Variants in DIP2C observed in about 807,000 individuals in gnomAD.
The protein encoded by DIP2C is disco-interacting protein 2 homolog C.
In DIP2C, 33 loss-of-function variants were observed where a neutral mutation model predicts 192.4. The ratio of observed to expected loss-of-function variants is 0.17; its 90% CI spans 0.13 to 0.23. The LOEUF is 0.23. Ranked by LOEUF, DIP2C falls within the 10% of genes least tolerant of loss-of-function variation. DIP2C has a pLI of 1.00. For synonymous variants in DIP2C, 979 were observed against 864.1 expected, an observed-to-expected ratio of 1.13 and a Z score of -2.33; for missense variants, 1,537 against 2,110.1, an observed-to-expected ratio of 0.73 and a Z score of 5.32.
intron 9 of DIP2C, among the ~76,000 whole-genome samples, chr10:401,013 G>A (rs1449524138): frequency 4.1e-4 from 49 of 119,052 alleles, no homozygotes; most frequent in South Asian, 6.8e-4. Context: ...CATGAATCCT[G>A]TGATTTTACA....
intron 26 of DIP2C, among the ~76,000 whole-genome samples, chr10:347,371 C>A (rs1252048175): frequency 7.3e-6 from 1 of 136,116 alleles, no homozygotes; most frequent in Non-Finnish European, 1.5e-5. Context: ...AGACACATCG[C>A]GCATAGTTCT....
intron 1 of DIP2C, chr10:650,727 AC>A (rs1053332208): frequency 2.5e-5 from 16 of 634,076 alleles, no homozygotes; most frequent in Admixed American, 2.3e-4. Flanking sequence ...CTCTGGGCCG[AC>A]CCCCCCTCAT....
chr10:569,964 C>A (rs758279966), intron 1 of DIP2C, among the ~76,000 whole-genome samples: 3 of 152,214 alleles, frequency 2.0e-5, no homozygotes, highest in Non-Finnish European at 2.9e-5. Context: ...TCCTCTCAGC[C>A]TTCCCCCATG....
intron 28 of DIP2C, 99 bp from the exon 29 acceptor site, chr10:341,428 A>C (rs781538976): frequency 6.5e-7 from 1 of 1,534,364 alleles, no homozygotes; most frequent in African/African-American, 1.4e-5. Context: ...TGTTGAACGC[A>C]TCGGACCTGA....
In DIP2C at chr10:350,196, G is replaced by T. The variant is rs531921399; in HGVS notation, c.2986-742C>A. The stretch of plus-strand genomic sequence containing the variant: ...CCTGCTGGGCTCAAGCAATTCTGCT[G>T]CCTCAGCCCCAAGTAGCTGGGACTA... On this transcript the variant is annotated intron_variant, in intron 24 of 36. Coordinates refer to ENST00000280886, the MANE Select transcript of DIP2C (RefSeq NM_014974.3). 7.2e-5 allele frequency among the ~76,000 whole-genome samples: 11 copies of T among 152,158 alleles called. No homozygotes were observed. The South Asian group carries it at 2.3e-3, about 32-fold the overall frequency.
intron 1 of DIP2C, among the ~76,000 whole-genome samples, chr10:621,858 G>A (rs1470365580): frequency 6.6e-6 from 1 of 152,180 alleles, no homozygotes; most frequent in Non-Finnish European, 1.5e-5. Flanking sequence ...CGGAGAGGAT[G>A]TCATTCGCTG....
intron 5 of DIP2C, among the ~76,000 whole-genome samples, chr10:421,446 G>A (rs1439186779): frequency 1.3e-5 from 2 of 152,106 alleles, no homozygotes; most frequent in South Asian, 2.1e-4. Flanking sequence ...TGGCCTCCCC[G>A]TTCAGGTGCC....
Position 419,106 on chromosome 10 carries a change from G to A in DIP2C, c.698C>T (p.Ala233Val), listed in dbSNP as rs77328768. Residue 233 changes from alanine to valine, a missense_variant, in exon 6 of 37, where the codon GCG (alanine) becomes GTG (valine). Transcript: ENST00000280886. ...GAGCTCGGCGTTGCCGTACTTGGGC[G>A]CTGTCCGGGACCCCGTGGAACCCTG... is the stretch of plus-strand genomic sequence containing the variant. Reference protein sequence around the residue: ...RPQGSTGSRTAPKYGNAELME... With the variant: ...RPQGSTGSRTVPKYGNAELME... 230 of 1,614,266 alleles carry A rather than the reference G, an allele frequency of 1.4e-4. 1 individual carries two copies. The African/African-American group carries it at 2.1e-3, about 15-fold the overall frequency.
chr10:497,336 ACTCTGCAC>A (rs1372433597), intron 1 of DIP2C, among the ~76,000 whole-genome samples: 4 of 152,060 alleles, frequency 2.6e-5, no homozygotes, highest in South Asian at 2.1e-4. Context: ...TGGAAGGCCA[ACTCTGCAC>A]CTTGGAAATT....
chr10:529,051 G>A (rs1403830272), intron 1 of DIP2C, among the ~76,000 whole-genome samples: 1 of 152,198 alleles, frequency 6.6e-6, no homozygotes, highest in Admixed American at 6.5e-5. Flanking sequence ...GGCGCTGCCG[G>A]CATCTCCCTA....
intron 36 of DIP2C, among the ~76,000 whole-genome samples, chr10:277,957 C>T (rs563518110): frequency 6.6e-6 from 1 of 152,370 alleles, no homozygotes; most frequent in Non-Finnish European, 1.5e-5. Flanking sequence ...CAGCCTCGTA[C>T]CCTCAAGGCA....
chr10:464,446 T>TA (rs1454749750), intron 3 of DIP2C, among the ~76,000 whole-genome samples: 1 of 150,990 alleles, frequency 6.6e-6, no homozygotes, highest in African/African-American at 2.4e-5. Flanking sequence ...CACAATGAGA[T>TA]ACCATTCCAC....
chr10:617,652 ACCACCCCC>A (rs1395929441), intron 1 of DIP2C, among the ~76,000 whole-genome samples: 18 of 127,652 alleles, frequency 1.4e-4, no homozygotes, highest in Non-Finnish European at 2.6e-4. Context: ...TCCTGTGGAT[ACCACCCCC>A]CCACCCCCAC....
intron 32 of DIP2C, among the ~76,000 whole-genome samples, chr10:304,368 T>C (rs1956205895): frequency 1.3e-5 from 2 of 152,142 alleles, no homozygotes; most frequent in South Asian, 4.1e-4. Flanking sequence ...CTGTGGTCTG[T>C]CATTGACAGA....
rs769716274 is a variant in DIP2C, at chr10:419,070, C to T, written c.734G>A (p.Gly245Glu). ...ATCTCTCCTTTGGGACGTACCATCC[C>T]CGGTCTCCATGAGCTCGGCGTTGCC... ...KYGNAELMET[G>E]DGVPVSSRVS... The change falls in exon 6 of 37, where the codon GGG becomes GAG. Residue 245 changes from glycine to glutamate, a missense_variant. This residue lies in a region of DIP2C where 473 missense variants were observed against 539.6 expected (regional missense o/e 0.88). Coordinates refer to ENST00000280886, the MANE Select transcript of DIP2C (RefSeq NM_014974.3). 2 of 1,614,266 alleles carry T rather than the reference C, an allele frequency of 1.2e-6. No homozygotes were observed. The highest frequency in any genetic ancestry group is 1.1e-5 in the South Asian group (1 of 91,090).
At chr10:612,171 T>C (rs1853140252) in intron 1 of DIP2C, among the ~76,000 whole-genome samples, 1 of 151,840 alleles carries the variant, frequency 6.6e-6, no homozygotes, top group Non-Finnish European at 1.5e-5. Flanking sequence ...CGGGCACTTA[T>C]AATCCCAGCT....
rs12252160 is a variant in DIP2C, at chr10:340,620, T to C, written c.3584+579A>G. 3.0e-3 allele frequency: 1,167 copies of C among 384,392 alleles called. 15 individuals carry two copies. Among genetic ancestry groups the C allele is most frequent in the African/African-American group, 0.023 (1,082 of 47,798 alleles). The allele number at this position is 384,392 out of a possible 1,614,324, so 23.8% of individuals were successfully genotyped here. ...CTATAATTTCTACAATGAACATGTA[T>C]GTATAATCAGACAAAAAAGCCAAGA... is the stretch of plus-strand genomic sequence containing the variant. On this transcript the variant is annotated intron_variant, in intron 29 of 36. Coordinates refer to ENST00000280886, the MANE Select transcript of DIP2C (RefSeq NM_014974.3).
chr10:615,492 A>C (rs947272914), intron 1 of DIP2C, among the ~76,000 whole-genome samples: 10 of 152,210 alleles, frequency 6.6e-5, no homozygotes, highest in African/African-American at 2.4e-4. Context: ...CCCTCAATGC[A>C]GAAGAGGGCT....
At chr10:583,027 T>C (rs1166609050) in intron 1 of DIP2C, among the ~76,000 whole-genome samples, 2 of 152,248 alleles carry the variant, frequency 1.3e-5, no homozygotes, top group African/African-American at 2.4e-5. Flanking sequence ...TGGCGATTTA[T>C]GGCAGTTGCC....
Sources: allele counts gnomAD v4.1 joint callset (sites outside exome capture counted in the v4.1 genomes callset), GRCh38; gene constraint gnomAD v4.1.1; regional missense constraint gnomAD v4.1.1; transcripts MANE v1.5; gene names NCBI Gene and HGNC (gene_info 2026-07-23, HGNC 2026-07-21).